PLCXD2: variants seen among roughly 807,000 people sequenced by gnomAD.
PLCXD2 encodes the protein PI-PLC X domain-containing protein 2.
In PLCXD2, 21 loss-of-function variants were observed where a neutral mutation model predicts 28.6. The observed-to-expected ratio is 0.73, with a 90% CI of 0.52 to 1.06. The LOEUF (loss-of-function observed/expected upper bound fraction) is 1.06. PLCXD2 is among the 50% of genes least tolerant of loss of function. PLCXD2 has a pLI of 0.00. For synonymous variants in PLCXD2, 140 were observed against 150.1 expected, an observed-to-expected ratio of 0.93 and a Z score of 0.49; for missense variants, 369 against 376.7, an observed-to-expected ratio of 0.98 and a Z score of 0.17.
At chr3:111,726,967 A>G (rs1401115162) in intron 3 of PLCXD2, 1 of 152,242 alleles carries the variant, frequency 6.6e-6, no homozygotes, top group Admixed American at 6.5e-5. Context: ...TTATAAACTC[A>G]GTGTCAATAA....
chr3:111,696,408 A>G (rs1412725977), intron 1 of PLCXD2, among the ~76,000 whole-genome samples: 1 of 152,180 alleles, frequency 6.6e-6, no homozygotes, highest in East Asian at 1.9e-4. Context: ...GAGTCTTTGC[A>G]GCTGAGATCT....
intron 3 of PLCXD2, chr3:111,725,653 C>A (rs1360188945): frequency 1.0e-5 from 4 of 398,414 alleles, no homozygotes; most frequent in East Asian, 3.6e-5. Context: ...CAAGAAAATT[C>A]TTTCTACCCT....
At chr3:111,714,216 T>TCAGACTAC in intron 3 of PLCXD2, 88 bp downstream of exon 3, 6 of 1,441,738 alleles carry the variant, frequency 4.2e-6, no homozygotes, top group Non-Finnish European at 5.5e-6. Flanking sequence ...TAAAGCCATG[T>TCAGACTAC]AGTCTGAGGA....
intron 1 of PLCXD2, among the ~76,000 whole-genome samples, chr3:111,704,159 G>A (rs936761122): frequency 3.9e-5 from 6 of 152,214 alleles, no homozygotes; most frequent in African/African-American, 1.2e-4. Context: ...ATGGATGACA[G>A]TGAACTAGTA....
chr3:111,705,066 C>T (rs113812270), intron 1 of PLCXD2, among the ~76,000 whole-genome samples: 20,439 of 152,056 alleles, frequency 0.13, 1,530 homozygotes, highest in African/African-American at 0.18. Context: ...ATCTGCCCGC[C>T]TCGGCCTCCC....
intron 1 of PLCXD2, among the ~76,000 whole-genome samples, chr3:111,705,804 T>G (rs954621054): frequency 3.9e-5 from 6 of 152,156 alleles, no homozygotes; most frequent in African/African-American, 1.4e-4. Flanking sequence ...TTTATATGGT[T>G]TTGTTGTTGT....
chr3:111,678,116 G>A (rs530199663), intron 1 of PLCXD2, among the ~76,000 whole-genome samples: 12 of 152,314 alleles, frequency 7.9e-5, no homozygotes, highest in African/African-American at 2.2e-4. Flanking sequence ...ATGAGATGGA[G>A]TAAACTATGC....
At chr3:111,700,228 G>T (rs1941022316) in intron 1 of PLCXD2, among the ~76,000 whole-genome samples, 2 of 152,256 alleles carry the variant, frequency 1.3e-5, no homozygotes, top group South Asian at 4.1e-4. Context: ...ACATTATAAA[G>T]TGCTTTCACA....
intron 1 of PLCXD2, among the ~76,000 whole-genome samples, chr3:111,678,540 A>T (rs1940659697): frequency 6.6e-6 from 1 of 152,166 alleles, no homozygotes; most frequent in Non-Finnish European, 1.5e-5. Context: ...TCATTTTTTA[A>T]AAAACACTTT....
chr3:111,711,545 C>T (rs1053349009), intron 2 of PLCXD2, among the ~76,000 whole-genome samples: 4 of 152,180 alleles, frequency 2.6e-5, no homozygotes, highest in African/African-American at 9.7e-5. Context: ...TAAGCCCCTG[C>T]GTATTTTATT....
chr3:111,684,033 T>G (rs1163145728), intron 1 of PLCXD2, among the ~76,000 whole-genome samples: 3 of 151,812 alleles, frequency 2.0e-5, no homozygotes, highest in Non-Finnish European at 4.4e-5. Context: ...TACTTAGAGG[T>G]CTTAAAAGCC....
chr3:111,715,934 A>G (rs1334746655), intron 3 of PLCXD2, among the ~76,000 whole-genome samples: 1 of 152,180 alleles, frequency 6.6e-6, no homozygotes, highest in Non-Finnish European at 1.5e-5. Context: ...AAAGCTTTTC[A>G]TATCTGTACA....
chr3:111,713,320 C>G (rs1250783425), intron 2 of PLCXD2, among the ~76,000 whole-genome samples: 2 of 151,990 alleles, frequency 1.3e-5, no homozygotes, highest in African/African-American at 2.4e-5. Context: ...ATTAGTATAC[C>G]CATAGATTAT....
Position 111,708,304 on chromosome 3 carries a change from A to G in PLCXD2, c.542A>G (p.Gln181Arg), listed in dbSNP as rs768712026. ...CACAAATGCCTGGTTCTGCGGATCC[A>G]GGAGGCCTTTGGAAACAAGCTGTGC... Residue 181 changes from glutamine to arginine, a missense_variant, in exon 2 of 5, where the codon CAG becomes CGG. Transcript: ENST00000477665. 1.9e-6 allele frequency: 3 copies of G among 1,614,194 alleles called. No individual in the cohort carries two copies. The highest frequency in any genetic ancestry group is 2.2e-5 in the East Asian group (1 of 44,878).
At chr3:111,712,371 G>A (rs1036861230) in intron 2 of PLCXD2, among the ~76,000 whole-genome samples, 3 of 152,046 alleles carry the variant, frequency 2.0e-5, no homozygotes, top group African/African-American at 7.2e-5. Flanking sequence ...CCTCTCCCAC[G>A]GTCCACTGCA....
chr3:111,684,022 A>T (rs1407429427), intron 1 of PLCXD2, among the ~76,000 whole-genome samples: 3 of 152,102 alleles, frequency 2.0e-5, no homozygotes, highest in Admixed American at 2.0e-4. Context: ...AAGTGGCAAC[A>T]TACTTAGAGG....
Position 111,675,012 on chromosome 3 carries a change from G to A in PLCXD2, c.-234G>A. The A allele has an allele frequency of 2.1e-6, 1 of 486,390 alleles. No individual in the cohort carries two copies. Among genetic ancestry groups the A allele is most frequent in the Non-Finnish European group, 3.6e-6 (1 of 276,628 alleles). The allele number at this position is 486,390 out of a possible 1,614,324, so 30.1% of individuals were successfully genotyped here. On this transcript the variant is annotated 5_prime_UTR_variant, in exon 1 of 5. Coordinates refer to ENST00000477665, the MANE Select transcript of PLCXD2 (RefSeq NM_001185106.1). ...CAGAGGGGAACATAAGAAGTTTAAC[G>A]GAGCTGGGACTGAGCAGATTAAGGG...
intron 1 of PLCXD2, among the ~76,000 whole-genome samples, chr3:111,684,861 G>A (rs1940770575): frequency 6.6e-6 from 1 of 152,134 alleles, no homozygotes; most frequent in Admixed American, 6.5e-5. Context: ...CTGACCTGAG[G>A]AGGAGGGTGA....
At chr3:111,679,838 C>T (rs746838334) in intron 1 of PLCXD2, among the ~76,000 whole-genome samples, 28 of 152,182 alleles carry the variant, frequency 1.8e-4, no homozygotes, top group Non-Finnish European at 3.2e-4. Flanking sequence ...TTTCACCCAA[C>T]ATCCCTCCTG....
Sources: gnomAD v4.1 joint callset for allele counts (sites outside exome capture counted in the v4.1 genomes callset) on GRCh38, gnomAD v4.1.1 for gene constraint, MANE v1.5 for transcripts, NCBI Gene and HGNC (gene_info 2026-07-23, HGNC 2026-07-21) for gene names.